Variants in SORBS2 observed in about 807,000 individuals in gnomAD.
SORBS2 encodes the protein sorbin and SH3 domain containing 2.
In SORBS2, 46 loss-of-function variants were observed where a neutral mutation model predicts 97.7. That is an observed-to-expected ratio of 0.47 (90% CI 0.37 to 0.60). SORBS2 has a LOEUF of 0.60. Ranked by LOEUF, SORBS2 falls within the 20% of genes least tolerant of loss-of-function variation. SORBS2 has a pLI of 0.00. For synonymous variants in SORBS2, 476 were observed against 473.4 expected (o/e 1.01, Z -0.07); for missense variants, 1,316 against 1,282.3 (o/e 1.03, Z -0.40).
intron 1 of SORBS2, among the ~76,000 whole-genome samples, chr4:185,919,943 A>G (rs1002669072): frequency 7.9e-5 from 12 of 152,258 alleles, no homozygotes; most frequent in Non-Finnish European, 1.8e-4. Context: ...CTGAACTATC[A>G]TACAAAACAA....
intron 2 of SORBS2, among the ~76,000 whole-genome samples, chr4:185,687,604 G>T (rs1008583568): frequency 3.9e-5 from 6 of 152,096 alleles, no homozygotes; most frequent in East Asian, 1.9e-4. Context: ...ACATATTTTT[G>T]ACCTAGGAGC....
chr4:185,756,020 T>A (rs1325886522), intron 2 of SORBS2, among the ~76,000 whole-genome samples: 2 of 152,180 alleles, frequency 1.3e-5, no homozygotes, highest in Non-Finnish European at 2.9e-5. Context: ...ACCATAAAAT[T>A]GAGGTAACTT....
rs936935700 is a variant in SORBS2, at chr4:185,589,556, T to G, written c.2953+123A>C. The G allele has an allele frequency of 1.2e-5, 8 of 687,096 alleles. No individual in the cohort carries two copies. In the African/African-American group the frequency reaches 1.4e-4, roughly 12 times the overall value. 42.6% of individuals were successfully genotyped at this position (687,096 alleles called of 1,614,324 possible). A position where few individuals can be genotyped will look rare whatever the true frequency, so the allele number is the denominator to read the frequency against. On this transcript the variant is annotated intron_variant, in intron 14 of 14. Coordinates refer to ENST00000418609, the Ensembl canonical transcript of SORBS2. ...TGGGATTACATTGTGCATATGAATG[T>G]CTGAAAGATCAAAGGCATTACGAAT...
intron 2 of SORBS2, among the ~76,000 whole-genome samples, chr4:185,706,634 T>C (rs906548950): frequency 2.0e-5 from 3 of 152,200 alleles, no homozygotes; most frequent in Non-Finnish European, 4.4e-5. Context: ...TCTGCTGTTA[T>C]AACATCCCTC....
At chr4:185,732,182 GA>G (rs944856045) in intron 2 of SORBS2, among the ~76,000 whole-genome samples, 1 of 151,918 alleles carries the variant, frequency 6.6e-6, no homozygotes, top group African/African-American at 2.4e-5. Context: ...ATGTGCATGA[GA>G]ATAAGTAAAC....
chr4:185,823,446 C>G (rs1361077388), intron 1 of SORBS2, among the ~76,000 whole-genome samples: 1 of 152,118 alleles, frequency 6.6e-6, no homozygotes, highest in African/African-American at 2.4e-5. Flanking sequence ...GTACACTCAA[C>G]AATAACAATG....
At chr4:185,731,860 CTCTCTCTATATATATATA>C (rs1297705559) in intron 2 of SORBS2, among the ~76,000 whole-genome samples, 104 of 34,258 alleles carry the variant, frequency 3.0e-3, no homozygotes, top group African/African-American at 7.4e-3. Flanking sequence ...CTCTCTCTCT[CTCTCTCTATATATATATA>C]TATATATATA....
At chr4:185,883,780 C>G (rs1292687969) in intron 1 of SORBS2, among the ~76,000 whole-genome samples, 35 of 152,304 alleles carry the variant, frequency 2.3e-4, no homozygotes. Flanking sequence ...CCCAGAAGTT[C>G]AAGGCTGCAG....
At chr4:185,699,122 C>A (rs756194480) in intron 2 of SORBS2, among the ~76,000 whole-genome samples, 1 of 152,012 alleles carries the variant, frequency 6.6e-6, no homozygotes, top group Non-Finnish European at 1.5e-5. Context: ...AGAATTATTA[C>A]AAATTCATGT....
chr4:185,884,998 C>T (rs1278518022), intron 1 of SORBS2, among the ~76,000 whole-genome samples: 2 of 152,078 alleles, frequency 1.3e-5, no homozygotes, highest in African/African-American at 2.4e-5. Context: ...TCTCAATGTA[C>T]GCAGCGGCTC....
At chr4:185,817,338 G>A (rs1463689513) in intron 1 of SORBS2, among the ~76,000 whole-genome samples, 2 of 152,166 alleles carry the variant, frequency 1.3e-5, no homozygotes, top group Admixed American at 6.5e-5. Flanking sequence ...AACCTGCAGT[G>A]GGGAGAGATT....
chr4:185,882,188 G>C, intron 1 of SORBS2, among the ~76,000 whole-genome samples: 1 of 152,126 alleles, frequency 6.6e-6, no homozygotes, highest in East Asian at 1.9e-4. Context: ...ATGATTGTCT[G>C]CATAGAAAAT....
Position 185,759,509 on chromosome 4 carries a change from G to A in SORBS2, c.-198+15718C>T, listed in dbSNP as rs527947519. On this transcript the variant is annotated intron_variant, in intron 2 of 20. Coordinates refer to the SORBS2 transcript ENST00000284776. ...TGCATATTTAACGGGTAGGGAGAAC[G>A]CAGGTGCAACAATTCACAAAAATCT... Among the ~76,000 whole-genome samples the A allele has an allele frequency of 2.0e-5, 3 of 152,262 alleles. No homozygotes were observed. In the South Asian group the frequency reaches 6.2e-4, roughly 32 times the overall value.
At chr4:185,911,962 T>C (rs1020011229) in intron 1 of SORBS2, among the ~76,000 whole-genome samples, 5 of 152,220 alleles carry the variant, frequency 3.3e-5, no homozygotes, top group Non-Finnish European at 7.3e-5. Context: ...GTGCTCTCCA[T>C]GGCACAGAGA....
intron 1 of SORBS2, among the ~76,000 whole-genome samples, chr4:185,836,733 A>T (rs2099208311): frequency 6.6e-6 from 1 of 152,202 alleles, no homozygotes; most frequent in African/African-American, 2.4e-5. Context: ...AATGTCAGTC[A>T]CACCCAAGGA....
intron 2 of SORBS2, among the ~76,000 whole-genome samples, chr4:185,765,502 A>C (rs1056526145): frequency 2.0e-5 from 3 of 152,224 alleles, no homozygotes; most frequent in Non-Finnish European, 2.9e-5. Context: ...AATACATAAA[A>C]AATTGTAAGG....
At chr4:185,770,421 T>C (rs146016341) in intron 2 of SORBS2, among the ~76,000 whole-genome samples, 78 of 152,354 alleles carry the variant, frequency 5.1e-4, no homozygotes, top group African/African-American at 1.8e-3. Flanking sequence ...ATTGTCCAAT[T>C]GTGGCATCAT....
chr4:185,868,669 C>T (rs1470896685), intron 1 of SORBS2, among the ~76,000 whole-genome samples: 2 of 152,028 alleles, frequency 1.3e-5, no homozygotes, highest in Non-Finnish European at 2.9e-5. Flanking sequence ...CATGTTGTGC[C>T]CTCTCTGTAA....
Position 185,623,047 on chromosome 4 carries a change from C to T in SORBS2, c.2082G>A (p.Leu694=). 1 of 1,614,134 alleles carries T rather than the reference C, an allele frequency of 6.2e-7. No homozygotes were observed. Among genetic ancestry groups the T allele is most frequent in the Non-Finnish European group, 8.5e-7 (1 of 1,180,002 alleles). ...GACAATGAATAGCACCATCGGGAGG[C>T]AGTGGGTGGAGAGGCTGGTGCAGGG... is the stretch of plus-strand genomic sequence containing the variant. Residue 694 remains leucine, a synonymous_variant, in exon 7 of 15, where the codon CTG becomes CTA. Coordinates refer to ENST00000418609, the Ensembl canonical transcript of SORBS2. This position sits in a 1 kb window ranked among gnomAD's most constrained non-coding sequence, Gnocchi z 6.4.
Sources: allele counts gnomAD v4.1 joint callset (sites outside exome capture counted in the v4.1 genomes callset), GRCh38; gene constraint gnomAD v4.1.1; non-coding constraint Gnocchi (gnomAD v3.1); transcripts MANE v1.5; gene names NCBI Gene and HGNC (gene_info 2026-07-23, HGNC 2026-07-21).